The following CPVL variants were observed in gnomAD, a reference collection of about 807,000 sequenced individuals.
CPVL encodes the protein carboxypeptidase vitellogenic like.
In CPVL, 51 loss-of-function variants were observed where a neutral mutation model predicts 63.7. The observed-to-expected ratio is 0.80, with a 90% CI of 0.64 to 1.01. The LOEUF is 1.01. Among genes scored for constraint, CPVL ranks in the 50% least tolerant of loss-of-function variants. The pLI is 0.00. For synonymous variants in CPVL, 195 were observed against 206.0 expected (o/e 0.95, Z 0.46); for missense variants, 530 against 573.1 (o/e 0.92, Z 0.77).
At chr7:29,169,880 GTA>G (rs61360748) in intron 5 of CPVL, among the ~76,000 whole-genome samples, 7 of 150,040 alleles carry the variant, frequency 4.7e-5, no homozygotes, top group African/African-American at 1.2e-4. Flanking sequence ...GTGTGTGTGT[GTA>G]TATATATATG....
chr7:29,011,690 C>G (rs926150708), intron 12 of CPVL: 1 of 148,480 alleles, frequency 6.7e-6, no homozygotes, highest in Non-Finnish European at 1.5e-5. Flanking sequence ...AAATGAAACA[C>G]TCCACTGAAA....
At position 29,017,359 on chromosome 7, in the gene CPVL, C is replaced by T. The variant is rs183458114; in HGVS notation, c.1320+13218G>A. 5.6e-4 allele frequency among the ~76,000 whole-genome samples: 86 copies of T among 152,348 alleles called. 1 individual carries two copies. In the East Asian group the frequency reaches 0.016, roughly 28 times the overall value. On this transcript the variant is annotated intron_variant, in intron 12 of 12. Transcript: ENST00000265394. ...TTTGTAAAAAACCCAATCGGCTGGG[C>T]GTGGTGGCTCACGCCTGTAATCCCA...
At chr7:29,061,441 C>T (rs1443267277) in intron 11 of CPVL, among the ~76,000 whole-genome samples, 2 of 152,034 alleles carry the variant, frequency 1.3e-5, no homozygotes, top group Non-Finnish European at 2.9e-5. Context: ...TTAGAAAATA[C>T]TGGATTTTGA....
chr7:29,076,523 G>A (rs1037917248), intron 7 of CPVL, among the ~76,000 whole-genome samples: 2 of 152,166 alleles, frequency 1.3e-5, no homozygotes, highest in Admixed American at 6.5e-5. Flanking sequence ...AAGCTCAGCC[G>A]GATAAACATA....
upstream of CPVL, among the ~76,000 whole-genome samples, chr7:29,149,231 C>T (rs1033679725): frequency 1.5e-5 from 2 of 130,600 alleles, no homozygotes; most frequent in African/African-American, 2.9e-5. Context: ...CTTACTGTGC[C>T]GCCCAGGCTG....
At chr7:28,996,549 C>CAAAAAAAAAAAAA (rs549584191) in intron 12 of CPVL, among the ~76,000 whole-genome samples, 1 of 113,564 alleles carries the variant, frequency 8.8e-6, no homozygotes, top group Non-Finnish European at 2.0e-5. Flanking sequence ...AACCAAAAAA[C>CAAAAAAAAAAAAA]AAAAAAAAAA....
chr7:29,157,981 T>C (rs1020087341), intron 5 of CPVL, among the ~76,000 whole-genome samples: 1 of 152,184 alleles, frequency 6.6e-6, no homozygotes, highest in African/African-American at 2.4e-5. Flanking sequence ...TTTTTGAAAA[T>C]GGTTCCAAAG....
intron 5 of CPVL, among the ~76,000 whole-genome samples, chr7:29,170,804 C>T (rs1796501528): frequency 6.6e-6 from 1 of 152,108 alleles, no homozygotes; most frequent in Non-Finnish European, 1.5e-5. Context: ...ACAATCATGG[C>T]GGAAGGCGAG....
intron 1 of CPVL, among the ~76,000 whole-genome samples, chr7:29,133,209 A>C (rs1057472311): frequency 6.6e-6 from 1 of 151,636 alleles, no homozygotes; most frequent in African/African-American, 2.4e-5. Flanking sequence ...AAAAAAAAAC[A>C]AAAAACGCTG....
intron 1 of CPVL, chr7:29,186,669 G>C (rs1798756576): frequency 6.6e-6 from 1 of 152,014 alleles, no homozygotes; most frequent in African/African-American, 2.4e-5. Context: ...AAAAACATGA[G>C]TATTCAAGCA....
intron 1 of CPVL, among the ~76,000 whole-genome samples, chr7:29,139,462 G>A (rs1288703778): frequency 1.3e-5 from 2 of 150,058 alleles, no homozygotes; most frequent in African/African-American, 2.5e-5. Flanking sequence ...TCTGCTCTAG[G>A]TGCCCTGAAC....
At chr7:29,103,194 G>T (rs1031546623) in intron 3 of CPVL, among the ~76,000 whole-genome samples, 2 of 90,754 alleles carry the variant, frequency 2.2e-5, no homozygotes, top group Non-Finnish European at 4.8e-5. Context: ...GGGGGGGGGG[G>T]GGTGCTAAAA....
At position 28,995,652 on chromosome 7, in the gene CPVL, T is replaced by C; in HGVS notation, c.*120A>G. 1 of 672,172 alleles carries C rather than the reference T, an allele frequency of 1.5e-6. No homozygotes were observed. The highest frequency in any genetic ancestry group is 2.5e-6 in the Non-Finnish European group (1 of 392,638). 41.6% of individuals were successfully genotyped at this position (672,172 alleles called of 1,614,324 possible). On this transcript the variant is annotated 3_prime_UTR_variant, in exon 13 of 13. Transcript: ENST00000265394. ...TCACTTGTTTCAAGGATAATTTTTA[T>C]TGATGAAAAAAATCTTGCAGATATG... is the stretch of plus-strand genomic sequence containing the variant.
At chr7:29,018,440 G>A (rs928530382) in intron 12 of CPVL, among the ~76,000 whole-genome samples, 8 of 148,050 alleles carry the variant, frequency 5.4e-5, no homozygotes, top group African/African-American at 1.0e-4. Context: ...GTGCAGTGGC[G>A]CGATCTCAGC....
chr7:29,001,052 T>A (rs531187092), intron 12 of CPVL: 2 of 151,882 alleles, frequency 1.3e-5, no homozygotes, highest in Non-Finnish European at 2.9e-5. Flanking sequence ...GACTACCAAA[T>A]CAGGTGAGAG....
chr7:29,013,795 G>C (rs990919437), intron 12 of CPVL, among the ~76,000 whole-genome samples: 1 of 152,244 alleles, frequency 6.6e-6, no homozygotes. Context: ...CTCCTTCGGG[G>C]TCTGCCTCAG....
chr7:29,174,659 G>A (rs910052535), intron 5 of CPVL, among the ~76,000 whole-genome samples: 5 of 152,116 alleles, frequency 3.3e-5, no homozygotes, highest in South Asian at 2.1e-4. Flanking sequence ...TCAGGAGTTC[G>A]AGATCAGCCT....
At position 29,034,917 on chromosome 7, in the gene CPVL, G is replaced by A. The variant is rs572638574; in HGVS notation, c.1138-4158C>T. 6.1e-4 allele frequency among the ~76,000 whole-genome samples: 91 copies of A among 149,926 alleles called. 1 individual carries two copies. Among genetic ancestry groups the A allele is most frequent in the Non-Finnish European group, 1.8e-4 (12 of 67,690 alleles). On this transcript the variant is annotated intron_variant, in intron 11 of 12. Transcript: ENST00000265394. ...GATACCTCAGTTTGGCAAAAGATGA[G>A]TCTTTTGGAGAAATAATTTGTAAGA...
At chr7:29,131,080 T>G (rs1790647777) in intron 1 of CPVL, among the ~76,000 whole-genome samples, 1 of 151,982 alleles carries the variant, frequency 6.6e-6, no homozygotes, top group Non-Finnish European at 1.5e-5. Context: ...TGCCTCCTTT[T>G]GAATGGTGTG....
Sources: gnomAD v4.1 joint callset for allele counts (sites outside exome capture counted in the v4.1 genomes callset) on GRCh38, gnomAD v4.1.1 for gene constraint, MANE v1.5 for transcripts, NCBI Gene and HGNC (gene_info 2026-07-23, HGNC 2026-07-21) for gene names.